The following AMOTL1 variants were observed in gnomAD, a reference collection of about 807,000 sequenced individuals.
AMOTL1 encodes angiomotin-like protein 1.
AMOTL1 carries 45 observed loss-of-function variants against 102.9 expected under a neutral mutation model. The ratio of observed to expected loss-of-function variants is 0.44; its 90% CI spans 0.34 to 0.56. AMOTL1 has a LOEUF of 0.56. AMOTL1 is among the 20% of genes least tolerant of loss of function. The pLI is 0.01. For synonymous variants in AMOTL1, 481 were observed against 484.7 expected, an observed-to-expected ratio of 0.99 and a Z score of 0.10; for missense variants, 1,114 against 1,225.6, an observed-to-expected ratio of 0.91 and a Z score of 1.36.
chr11:94,819,044 G>A (rs114249948), intron 3 of AMOTL1, among the ~76,000 whole-genome samples: 7 of 152,092 alleles, frequency 4.6e-5, no homozygotes, highest in African/African-American at 1.4e-4. Flanking sequence ...CATAGGATAT[G>A]AGATTTCACA....
intron 1 of AMOTL1, among the ~76,000 whole-genome samples, chr11:94,788,520 A>G (rs1951230524): frequency 6.6e-6 from 1 of 152,160 alleles, no homozygotes; most frequent in Non-Finnish European, 1.5e-5. Flanking sequence ...CAGCCCACAT[A>G]TCTCTTTCTC....
At chr11:94,747,648 C>G (rs961666842) in intron 3 of AMOTL1, among the ~76,000 whole-genome samples, 1 of 152,182 alleles carries the variant, frequency 6.6e-6, no homozygotes, top group Non-Finnish European at 1.5e-5. Flanking sequence ...ATAGGCTAAA[C>G]CCCAGTGTCA....
At position 94,859,677 on chromosome 11, in the gene AMOTL1, C is replaced by T. The variant is rs1305305356; in HGVS notation, c.2097C>T (p.His699=). The T allele has an allele frequency of 6.2e-7, 1 of 1,612,520 alleles. No homozygotes were observed. Among genetic ancestry groups the T allele is most frequent in the Non-Finnish European group, 8.5e-7 (1 of 1,179,196 alleles). ...ACCTGGAGGAGAGCACCATCCGACA[C>T]TTTGCCATGAATGCCGCAGCCACTG... The part of the protein sequence containing the change: ...QKYLEESTIR[H]FAMNAAATAA... The change falls in exon 9 of 13, where the codon CAC becomes CAT. Residue 699 remains histidine (H), a synonymous_variant. Coordinates refer to ENST00000433060, the MANE Select transcript of AMOTL1 (RefSeq NM_130847.3).
chr11:94,761,579 C>T (rs1455725896), intron 3 of AMOTL1, among the ~76,000 whole-genome samples: 1 of 152,136 alleles, frequency 6.6e-6, no homozygotes, highest in East Asian at 1.9e-4. Flanking sequence ...TTGGACTTTT[C>T]TGAAGACTTG....
chr11:94,729,379 C>A (rs187577209), intron 2 of AMOTL1, among the ~76,000 whole-genome samples: 103 of 152,278 alleles, frequency 6.8e-4, no homozygotes, highest in African/African-American at 2.3e-3. Flanking sequence ...GGAAGCTGGT[C>A]AGACATCTTT....
intron 2 of AMOTL1, among the ~76,000 whole-genome samples, chr11:94,795,951 G>A (rs916878880): frequency 1.3e-5 from 2 of 152,174 alleles, no homozygotes; most frequent in Non-Finnish European, 2.9e-5. Context: ...CTGTCCCAAT[G>A]CCTGAACTAT....
At chr11:94,842,982 G>A (rs1952337846) in intron 6 of AMOTL1, among the ~76,000 whole-genome samples, 1 of 152,176 alleles carries the variant, frequency 6.6e-6, no homozygotes, top group African/African-American at 2.4e-5. Context: ...TCCTGTTTGT[G>A]AATAGACCCA....
chr11:94,723,892 A>T (rs1021749109), intron 1 of AMOTL1, among the ~76,000 whole-genome samples: 11 of 152,154 alleles, frequency 7.2e-5, no homozygotes, highest in African/African-American at 2.7e-4. Flanking sequence ...TATGTTTGGA[A>T]CTATTTGGAG....
rs561333263 is a variant in AMOTL1, at chr11:94,736,777, A to G, written c.86-4161A>G. 2.3e-4 allele frequency among the ~76,000 whole-genome samples: 35 copies of G among 152,318 alleles called. No homozygotes were observed. The East Asian group carries it at 6.6e-3, about 29-fold the overall frequency. ...ACTCCAGCAGAACCATTTCTTTATA[A>G]GAGACCTATAAAAGTCAAGTGTGGG... On this transcript the variant is annotated intron_variant, in intron 2 of 4. Coordinates refer to the AMOTL1 transcript ENST00000299004.
At chr11:94,803,598 C>G (rs1951517702) in intron 3 of AMOTL1, among the ~76,000 whole-genome samples, 1 of 152,112 alleles carries the variant, frequency 6.6e-6, no homozygotes, top group South Asian at 2.1e-4. Context: ...GTGACCACTC[C>G]CAACCCCCCA....
At chr11:94,830,258 G>A (rs951892958) in intron 5 of AMOTL1, 64 bp downstream of exon 5, 10 of 1,463,606 alleles carry the variant, frequency 6.8e-6, no homozygotes, top group South Asian at 5.7e-5. Context: ...CTAAAAGCAC[G>A]ACTTCAAGGC....
At chr11:94,718,913 T>C (rs985577497) in intron 1 of AMOTL1, among the ~76,000 whole-genome samples, 3 of 152,000 alleles carry the variant, frequency 2.0e-5, no homozygotes, top group African/African-American at 7.2e-5. Context: ...CTATAGTTAT[T>C]TTGTGACTTC....
Position 94,800,132 on chromosome 11 carries a change from C to A in AMOTL1, c.942C>A (p.Pro314=). The stretch of plus-strand genomic sequence containing the variant: ...CTCGGGGTCCTCCACCTGAGTACCC[C>A]TTCAAGACCAAGCAAATGATGTCCC... The part of the protein sequence containing the change: ...LDPRGPPPEY[P]FKTKQMMSPV... The change falls in exon 3 of 13, where the codon CCC becomes CCA. Residue 314 remains proline, a synonymous_variant. Transcript: ENST00000433060. 1 of 1,613,968 alleles carries A rather than the reference C, an allele frequency of 6.2e-7. No individual in the cohort carries two copies. The highest frequency in any genetic ancestry group is 8.5e-7 in the Non-Finnish European group (1 of 1,179,874).
At chr11:94,852,827 T>G (rs1272245464) in intron 7 of AMOTL1, among the ~76,000 whole-genome samples, 1 of 152,208 alleles carries the variant, frequency 6.6e-6, no homozygotes, top group African/African-American at 2.4e-5. Context: ...GAAAAATTTT[T>G]TATTTATGCA....
chr11:94,827,313 G>A (rs1323201296), intron 4 of AMOTL1, among the ~76,000 whole-genome samples: 1 of 152,186 alleles, frequency 6.6e-6, no homozygotes, highest in Admixed American at 6.5e-5. Context: ...CTGGAAGCCT[G>A]AACACCACTC....
chr11:94,833,765 G>T (rs191120997), intron 6 of AMOTL1, among the ~76,000 whole-genome samples: 1 of 152,326 alleles, frequency 6.6e-6, no homozygotes, highest in Admixed American at 6.5e-5. Context: ...GAGAGGTCAT[G>T]AACTAAGCCA....
chr11:94,816,247 C>T (rs769391206), intron 3 of AMOTL1, among the ~76,000 whole-genome samples: 10 of 152,140 alleles, frequency 6.6e-5, no homozygotes, highest in African/African-American at 1.4e-4. Context: ...TTTTATTCCT[C>T]GGGTGCTGTT....
chr11:94,828,995 A>T (rs1952020830), intron 4 of AMOTL1, among the ~76,000 whole-genome samples: 1 of 152,172 alleles, frequency 6.6e-6, no homozygotes, highest in African/African-American at 2.4e-5. Context: ...ATACAATGGG[A>T]TTTATTGATA....
intron 2 of AMOTL1, among the ~76,000 whole-genome samples, chr11:94,737,282 G>T (rs1434744584): frequency 1.3e-5 from 2 of 152,210 alleles, no homozygotes; most frequent in African/African-American, 4.8e-5. Flanking sequence ...CTCTTGGAAT[G>T]CAAACTAAAA....
Sources: allele counts gnomAD v4.1 joint callset (sites outside exome capture counted in the v4.1 genomes callset), GRCh38; gene constraint gnomAD v4.1.1; transcripts MANE v1.5; gene names NCBI Gene and HGNC (gene_info 2026-07-23, HGNC 2026-07-21).